Variants in CC2D2A observed in about 807,000 individuals in gnomAD.
CC2D2A encodes the protein coiled-coil and C2 domain-containing protein 2A.
In CC2D2A, 155 loss-of-function variants were observed where a neutral mutation model predicts 212.9. The ratio of observed to expected loss-of-function variants is 0.73; its 90% confidence interval spans 0.64 to 0.83. The LOEUF (loss-of-function observed/expected upper bound fraction) is 0.83. Ranked by LOEUF, CC2D2A falls within the 40% of genes least tolerant of loss-of-function variation. The pLI, the probability that CC2D2A is intolerant of heterozygous loss-of-function variation, is 0.00. For synonymous variants in CC2D2A, 667 were observed against 686.5 expected, an observed-to-expected ratio of 0.97 and a Z score of 0.44; for missense variants, 1,856 against 1,956.2, an observed-to-expected ratio of 0.95 and a Z score of 0.97.
chr4:15,480,712 T>A lies in CC2D2A; in HGVS notation c.132T>A (p.Thr44=). 1.2e-6 allele frequency: 2 copies of A among 1,610,448 alleles called. No homozygotes were observed. The highest frequency in any genetic ancestry group is 1.7e-6 in the Non-Finnish European group (2 of 1,178,510). Residue 44 remains threonine, a synonymous_variant, in exon 4 of 37, where the codon ACT becomes ACA. Transcript: ENST00000424120. ...TGACCTTCTTCCTCCAGCCACCAAC[T>A]GCTGTCCCCAAGGAAATGGTGTCCG... is the stretch of plus-strand genomic sequence containing the variant. ...RRQPRKKQPP[T]AVPKEMVSEK... is the part of the protein sequence containing the mutation.
intron 24 of CC2D2A, among the ~76,000 whole-genome samples, chr4:15,566,408 A>C (rs1248538192): frequency 6.6e-6 from 1 of 152,146 alleles, no homozygotes; most frequent in Admixed American, 6.6e-5. Flanking sequence ...CAGGAAGCTC[A>C]GGATCTCCTA....
At chr4:15,563,566 C>T (rs1484469245) in intron 24 of CC2D2A, 44 bp downstream of exon 24, 4 of 1,587,596 alleles carry the variant, frequency 2.5e-6, no homozygotes, top group Non-Finnish European at 3.4e-6. Context: ...TGCAGCATCC[C>T]AGCCAAGTCA....
At position 15,524,447 on chromosome 4, in the gene CC2D2A, A is replaced by ATTTTTT. The variant is rs71179636; in HGVS notation, c.1150-2984_1150-2979dup. Among the ~76,000 whole-genome samples the ATTTTTT allele has an allele frequency of 2.9e-3, 264 of 89,962 alleles. 3 individuals are homozygous for ATTTTTT. Among genetic ancestry groups the ATTTTTT allele is most frequent in the East Asian group, 2.7e-3 (8 of 2,916 alleles). 59.0% of individuals were successfully genotyped at this position (89,962 alleles called of 152,430 possible). A position where few individuals can be genotyped will look rare whatever the true frequency, so the allele number is the denominator to read the frequency against. On this transcript the variant is annotated intron_variant, in intron 11 of 36. Coordinates refer to ENST00000424120, the MANE Select transcript of CC2D2A (RefSeq NM_001378615.1). ...CACTCGGCCTTCTGTAAAATTTTTA[A>ATTTTTT]TTTTTTTTTTTTTTTTTTTTTGAGA... is the stretch of plus-strand genomic sequence containing the variant.
chr4:15,480,351 TA>T (rs774975353), intron 3 of CC2D2A, among the ~76,000 whole-genome samples: 1 of 152,232 alleles, frequency 6.6e-6, no homozygotes, highest in Non-Finnish European at 1.5e-5. Context: ...AATTACCCAG[TA>T]ACACTTTAGC....
chr4:15,559,252 C>T lies in CC2D2A; in HGVS notation c.2917C>T (p.Gln973Ter). 6.5e-7 allele frequency: 1 copy of T among 1,545,452 alleles called. No individual in the cohort carries two copies. Among genetic ancestry groups the T allele is most frequent in the Non-Finnish European group, 8.8e-7 (1 of 1,141,388 alleles). Residue 973 changes from glutamine to a stop codon, truncating the protein, a stop_gained, in exon 22 of 37, where the codon CAG becomes TAG. Transcript: ENST00000424120. LOFTEE classifies it high-confidence loss of function. ...THRAIVAKYL[Q>*]QVRESVINRF... ...TAGGGCCATAGTAGCCAAGTACCTC[C>T]AGCAGGTAAGAAAAATCATATAAAA...
chr4:15,516,831 A>G (rs1716902532), intron 11 of CC2D2A, 75 bp downstream of exon 11: 1 of 1,436,922 alleles, frequency 7.0e-7, no homozygotes, highest in East Asian at 2.5e-5. Flanking sequence ...TTGGGGTGCT[A>G]TATTTATAAC....
intron 15 of CC2D2A, 95 bp downstream of exon 15, chr4:15,537,171 A>G (rs1280135500): frequency 7.3e-6 from 8 of 1,090,596 alleles, no homozygotes; most frequent in African/African-American, 1.6e-5. Flanking sequence ...AGACTGGCAG[A>G]CTAGGGTATC....
chr4:15,527,744 T>G, intron 12 of CC2D2A, 88 bp downstream of exon 12: 1 of 935,508 alleles, frequency 1.1e-6, no homozygotes. Flanking sequence ...AGCAAAATGT[T>G]CATGCCCCTC....
intron 4 of CC2D2A, among the ~76,000 whole-genome samples, chr4:15,486,872 A>G (rs887948843): frequency 6.6e-6 from 1 of 151,550 alleles, no homozygotes; most frequent in African/African-American, 2.4e-5. Context: ...GTTCCAGTCA[A>G]TTTTTTATTT....
chr4:15,577,249 GC>G (rs1720454533), intron 29 of CC2D2A, among the ~76,000 whole-genome samples: 1 of 152,182 alleles, frequency 6.6e-6, no homozygotes, highest in Non-Finnish European at 1.5e-5. Context: ...TCCGGCGTCA[GC>G]CTCCCAAAGT....
At chr4:15,513,912 T>C (rs539103202) in intron 8 of CC2D2A, among the ~76,000 whole-genome samples, 1 of 152,330 alleles carries the variant, frequency 6.6e-6, no homozygotes, top group Admixed American at 6.5e-5. Context: ...GTAGCTAGAC[T>C]GCCATCATTG....
chr4:15,476,602 T>C lies in CC2D2A; in HGVS notation c.39+631T>C, dbSNP rs573851990. ...TCTACCTGAATGCTCCGAAGCTGTT[T>C]TGTCACGGTTCTATGAACTCTGACA... On this transcript the variant is annotated intron_variant, in intron 2 of 36. Coordinates refer to ENST00000424120, the MANE Select transcript of CC2D2A (RefSeq NM_001378615.1). 3.9e-5 allele frequency among the ~76,000 whole-genome samples: 6 copies of C among 152,346 alleles called. No homozygotes were observed. The South Asian group carries it at 1.2e-3, about 32-fold the overall frequency.
rs181633376 is a variant in CC2D2A, at chr4:15,528,609, G to A, written c.1360-11G>A. On this transcript the variant is annotated splice_polypyrimidine_tract_variant and intron_variant, in intron 12 of 36. Transcript: ENST00000424120. ...TTTGTAACCCAAAACTTGTATCCATGTCGTTTTAAGCTCCAAGCTTTAAGA... is the reference window on the plus strand; with the variant it reads ...TTTGTAACCCAAAACTTGTATCCATATCGTTTTAAGCTCCAAGCTTTAAGA... 2.4e-5 allele frequency: 38 copies of A among 1,611,170 alleles called. No individual in the cohort carries two copies. Among genetic ancestry groups the A allele is most frequent in the Admixed American group, 8.3e-5 (5 of 60,012 alleles).
In CC2D2A at chr4:15,516,009, G is replaced by A. The variant is rs2109012967; in HGVS notation, c.1017+5G>A. 1 of 1,587,652 alleles carries A rather than the reference G, an allele frequency of 6.3e-7. No individual in the cohort carries two copies. Among genetic ancestry groups the A allele is most frequent in the Admixed American group, 1.8e-5 (1 of 56,388 alleles). Reference sequence around the variant, plus strand: ...AGATTGCTGATGCAGGACCCCGTAAGTGTGCACCCTCTGCTCTCAGGTGTA... The same window carrying A: ...AGATTGCTGATGCAGGACCCCGTAAATGTGCACCCTCTGCTCTCAGGTGTA... On this transcript the variant is annotated splice_donor_5th_base_variant and intron_variant, in intron 10 of 36. Coordinates refer to ENST00000424120, the MANE Select transcript of CC2D2A (RefSeq NM_001378615.1).
chr4:15,475,612 A>G (rs574588588), intron 1 of CC2D2A, among the ~76,000 whole-genome samples: 67 of 152,146 alleles, frequency 4.4e-4, no homozygotes, highest in Non-Finnish European at 8.7e-4. Context: ...GAGAGTGCAG[A>G]GGGGCAGTAG....
Position 15,476,115 on chromosome 4 carries a change from A to G in CC2D2A, c.39+144A>G, listed in dbSNP as rs140984048. The G allele has an allele frequency of 2.3e-4, 161 of 704,068 alleles. 2 individuals are homozygous for G. The African/African-American group carries it at 2.8e-3, about 12-fold the overall frequency. 43.6% of individuals were successfully genotyped at this position (704,068 alleles called of 1,614,324 possible). On this transcript the variant is annotated intron_variant, in intron 2 of 36. Transcript: ENST00000424120. ...GCTTTACATGAATTAGATTCAACAGAGTCTAATTGTACAAAGAACGATTTG... is the reference window on the plus strand; with the variant it reads ...GCTTTACATGAATTAGATTCAACAGGGTCTAATTGTACAAAGAACGATTTG...
chr4:15,497,821 G>T (rs374020349), intron 4 of CC2D2A, among the ~76,000 whole-genome samples: 2 of 152,002 alleles, frequency 1.3e-5, no homozygotes, highest in African/African-American at 2.4e-5. Context: ...GCCTATTCAT[G>T]TGTTCTGCAC....
chr4:15,533,277 A>C lies in CC2D2A; in HGVS notation c.1551A>C (p.Lys517Asn). 6.3e-7 allele frequency: 1 copy of C among 1,599,524 alleles called. No homozygotes were observed. The highest frequency in any genetic ancestry group is 1.1e-5 in the South Asian group (1 of 87,356). The change falls in exon 14 of 37, where the codon AAA becomes AAC. Residue 517 changes from lysine to asparagine, a missense_variant. By Grantham distance (94) the Lys-to-Asn change is moderately conservative. This residue lies in a region of CC2D2A where 1,512 missense variants were observed against 1,579.3 expected (regional missense o/e 0.96). Coordinates refer to ENST00000424120, the MANE Select transcript of CC2D2A (RefSeq NM_001378615.1). Reference sequence around the variant, plus strand: ...TCATAAAAGTTTGGAAAGAGATGAAATCCCTTCGAGAGTTCCAGAGATTTA... The same window carrying C: ...TCATAAAAGTTTGGAAAGAGATGAACTCCCTTCGAGAGTTCCAGAGATTTA... The part of the protein sequence containing the change: ...KTIIKVWKEM[K>N]SLREFQRFTN...
At chr4:15,527,851 T>G (rs1717597256) in intron 12 of CC2D2A, among the ~76,000 whole-genome samples, 195 bp downstream of exon 12, 2 of 152,210 alleles carry the variant, frequency 1.3e-5, no homozygotes, top group South Asian at 4.1e-4. Flanking sequence ...TGTACAAATT[T>G]ATTGGCACAC....
Sources: gnomAD v4.1 joint callset for allele counts (sites outside exome capture counted in the v4.1 genomes callset) on GRCh38, gnomAD v4.1.1 for gene constraint, gnomAD v4.1.1 regional missense constraint, MANE v1.5 for transcripts, NCBI Gene and HGNC (gene_info 2026-07-23, HGNC 2026-07-21) for gene names.